FOXP4: variants seen among roughly 807,000 people sequenced by gnomAD.
FOXP4 encodes the protein forkhead box protein P4.
A neutral mutation model predicts 82.6 loss-of-function variants in FOXP4; 25 were observed. The ratio of observed to expected loss-of-function variants is 0.30; its 90% confidence interval spans 0.22 to 0.42. FOXP4 has a LOEUF of 0.42. FOXP4 is among the 10% of genes least tolerant of loss of function. The pLI, the probability that FOXP4 is intolerant of heterozygous loss-of-function variation, is 1.00. For synonymous variants in FOXP4, 415 were observed against 388.2 expected, an observed-to-expected ratio of 1.07 and a Z score of -0.81; for missense variants, 785 against 900.9, an observed-to-expected ratio of 0.87 and a Z score of 1.65.
intron 15 of FOXP4, 41 bp from the exon 16 acceptor site, chr6:41,597,740 C>T (rs1458271337): frequency 6.3e-7 from 1 of 1,589,838 alleles, no homozygotes; most frequent in Non-Finnish European, 8.5e-7. Flanking sequence ...GTGCCCCATC[C>T]TGTGGAGCCA....
chr6:41,598,709 T>C, intron 16 of FOXP4, 80 bp from the exon 17 acceptor site: 3 of 1,542,682 alleles, frequency 1.9e-6, no homozygotes, highest in Non-Finnish European at 2.6e-6. Flanking sequence ...TGCCCCAGAG[T>C]TCTGGGTGAG....
At chr6:41,560,942 TC>T (rs1764541818) in intron 1 of FOXP4, among the ~76,000 whole-genome samples, 1 of 151,938 alleles carries the variant, frequency 6.6e-6, no homozygotes, top group Admixed American at 6.6e-5. Context: ...AGCCCGTGGG[TC>T]CCCCCTTTGG....
In FOXP4 at chr6:41,587,436, C is replaced by T. The variant is rs1032859110; in HGVS notation, c.796C>T (p.Pro266Ser). ...CACCGCTACCTCGTTTGCCGCTCCC[C>T]CCAAGGTCTCACCCCCCCTCTCCCA... ...AATATSFAAP[P>S]KVSPPLSHHT... The change falls in exon 7 of 17, where the codon CCC becomes TCC. Residue 266 changes from proline to serine, a missense_variant. Pro to Ser is a moderately conservative substitution (Grantham distance 74, BLOSUM62 -1). Around this residue, in one of 3 missense-constraint regions of FOXP4, gnomAD observed 570 missense variants for 634.0 expected, o/e 0.90. Coordinates refer to ENST00000307972, the MANE Select transcript of FOXP4 (RefSeq NM_001012426.2). The T allele has an allele frequency of 3.2e-6, 5 of 1,569,506 alleles. No individual in the cohort carries two copies. The highest frequency in any genetic ancestry group is 1.3e-5 in the African/African-American group (1 of 74,074).
Position 41,575,582 on chromosome 6 carries a change from G to A in FOXP4, c.205-2404G>A, listed in dbSNP as rs537849114. 7.2e-4 allele frequency among the ~76,000 whole-genome samples: 110 copies of A among 152,192 alleles called. 1 individual carries two copies. The Middle Eastern group carries it at 0.034, about 47-fold the overall frequency. On this transcript the variant is annotated intron_variant, in intron 2 of 16. Transcript: ENST00000307972. ...AGGAAGGGCCTGTCACAGGGAGGGG[G>A]AGGTCTCAGGAATGAGACTGCAAGG...
In FOXP4 at chr6:41,558,185, A is replaced by G. The variant is rs1764380999; in HGVS notation, c.-16-7560A>G. ...AGGGGCTTGGAGAGGGATTAAGCCT[A>G]CTCTCGAACTCACAGAGCCCCATGT... On this transcript the variant is annotated intron_variant, in intron 1 of 16. Transcript: ENST00000307972. This position sits in a 1 kb window ranked among gnomAD's most constrained non-coding sequence, Gnocchi z 4.0. Among the ~76,000 whole-genome samples, 1 of 151,990 alleles carries G rather than the reference A, an allele frequency of 6.6e-6. No homozygotes were observed. The highest frequency in any genetic ancestry group is 2.4e-5 in the African/African-American group (1 of 41,368).
chr6:41,595,131 G>A, intron 14 of FOXP4, 140 bp downstream of exon 14: 1 of 1,285,642 alleles, frequency 7.8e-7, no homozygotes, highest in Non-Finnish European at 1.1e-6. Flanking sequence ...GAAAGGAGCA[G>A]AGGAGACTAG....
intron 5 of FOXP4, 65 bp from the exon 6 acceptor site, chr6:41,586,944 G>C: frequency 6.6e-7 from 1 of 1,514,058 alleles, no homozygotes; most frequent in Non-Finnish European, 8.8e-7. Flanking sequence ...GCGGGGTGGG[G>C]GCCAGATGGC....
At chr6:41,562,977 G>C (rs561051100) in intron 1 of FOXP4, among the ~76,000 whole-genome samples, 5 of 152,340 alleles carry the variant, frequency 3.3e-5, no homozygotes, top group Admixed American at 2.0e-4. Flanking sequence ...CCCTCAGGCT[G>C]ACATGGCCAT....
chr6:41,587,447 A>T lies in FOXP4; in HGVS notation c.807A>T (p.Ser269=). 3.9e-6 allele frequency: 6 copies of T among 1,549,500 alleles called. No homozygotes were observed. The highest frequency in any genetic ancestry group is 5.2e-6 in the Non-Finnish European group (6 of 1,147,258). The change falls in exon 7 of 17, where the codon TCA becomes TCT. Residue 269 remains serine, a synonymous_variant. Transcript: ENST00000307972. ...CGTTTGCCGCTCCCCCCAAGGTCTC[A>T]CCCCCCCTCTCCCACCATACCCTGC... ...ATSFAAPPKV[S]PPLSHHTLPN...
Position 41,587,795 on chromosome 6 carries a change from C to T in FOXP4, c.875C>T (p.Ser292Phe). The change falls in exon 8 of 17, where the codon TCT (serine) becomes TTT (phenylalanine). Residue 292 changes from serine to phenylalanine, a missense_variant and splice_region_variant. Around this residue, in one of 3 missense-constraint regions of FOXP4, gnomAD observed 570 missense variants for 634.0 expected, o/e 0.90. Transcript: ENST00000307972. ...PTVLTSRRDS[S>F]SHEETPGSHP... ...CCACCTCCCTGCTGTCCTCCCAGCT[C>T]TTCCCACGAGGAGACCCCCGGCTCC... 6.4e-7 allele frequency: 1 copy of T among 1,557,724 alleles called. No homozygotes were observed. Among genetic ancestry groups the T allele is most frequent in the Non-Finnish European group, 8.7e-7 (1 of 1,149,316 alleles).
chr6:41,582,078 C>T (rs62396714), intron 3 of FOXP4, among the ~76,000 whole-genome samples: 1 of 152,220 alleles, frequency 6.6e-6, no homozygotes, highest in Admixed American at 6.5e-5. Context: ...TAAGGCACAC[C>T]AGGGGAGGAG....
chr6:41,548,673 C>CT (rs1763811965), intron 1 of FOXP4: 1 of 152,304 alleles, frequency 6.6e-6, no homozygotes, highest in African/African-American at 2.4e-5. Context: ...ATTTTGAGCT[C>CT]TCCCCCACCC....
chr6:41,549,430 C>T lies in FOXP4; in HGVS notation c.-17+2563C>T, dbSNP rs950999434. 2.0e-5 allele frequency among the ~76,000 whole-genome samples: 3 copies of T among 152,238 alleles called. No individual in the cohort carries two copies. The South Asian group carries it at 6.2e-4, about 32-fold the overall frequency. ...CACCTAGACGCCCCCAGCCCCCTTC[C>T]TCTGCCTTTAGAGCCGAAAACTTCC... On this transcript the variant is annotated intron_variant, in intron 1 of 16. Coordinates refer to ENST00000307972, the MANE Select transcript of FOXP4 (RefSeq NM_001012426.2).
chr6:41,559,902 T>G (rs769976452), intron 1 of FOXP4, among the ~76,000 whole-genome samples: 1 of 152,170 alleles, frequency 6.6e-6, no homozygotes, highest in Non-Finnish European at 1.5e-5. Flanking sequence ...AATCTGTGTT[T>G]TAACAAACTC....
At position 41,587,386 on chromosome 6, in the gene FOXP4, G is replaced by T; in HGVS notation, c.746G>T (p.Gly249Val). The change falls in exon 7 of 17, where the codon GGG (glycine) becomes GTG (valine). Residue 249 changes from glycine (G) to valine (V), a missense_variant. Around this residue, in one of 3 missense-constraint regions of FOXP4, gnomAD observed 570 missense variants for 634.0 expected, o/e 0.90. Coordinates refer to ENST00000307972, the MANE Select transcript of FOXP4 (RefSeq NM_001012426.2). ...GCCGAGGACAGCGTCAAGCAGGAGG[G>T]GCTGGACCTCACTGGCACGGCCGCC... Reference protein sequence around the residue: ...QPAEDSVKQEGLDLTGTAATA... With the variant: ...QPAEDSVKQEVLDLTGTAATA... The T allele has an allele frequency of 6.2e-7, 1 of 1,600,542 alleles. No individual in the cohort carries two copies. Among genetic ancestry groups the T allele is most frequent in the South Asian group, 1.1e-5 (1 of 89,112 alleles).
At chr6:41,575,110 G>A (rs371786374) in intron 2 of FOXP4, among the ~76,000 whole-genome samples, 8 of 152,058 alleles carry the variant, frequency 5.3e-5, no homozygotes, top group African/African-American at 1.7e-4. Context: ...CTGGCACTGC[G>A]GGCTCCCACC....
At chr6:41,572,722 T>C (rs748388553) in intron 2 of FOXP4, among the ~76,000 whole-genome samples, 1 of 152,192 alleles carries the variant, frequency 6.6e-6, no homozygotes, top group Non-Finnish European at 1.5e-5. Flanking sequence ...GGAGTTTGTT[T>C]GTTTTGGCTG....
chr6:41,587,372 C>T lies in FOXP4; in HGVS notation c.732C>T (p.Ser244=), dbSNP rs140659341. 8.9e-4 allele frequency: 1,435 copies of T among 1,606,328 alleles called. 6 individuals carry two copies. Among genetic ancestry groups the T allele is most frequent in the Non-Finnish European group, 1.2e-3 (1,361 of 1,176,054 alleles). The change falls in exon 7 of 17, where the codon AGC becomes AGT. Residue 244 remains serine (S), a synonymous_variant. Coordinates refer to ENST00000307972, the MANE Select transcript of FOXP4 (RefSeq NM_001012426.2). ...EGAPGQPAED[S]VKQEGLDLTG... ...CCCCCGGGCAGCCTGCCGAGGACAG[C>T]GTCAAGCAGGAGGGGCTGGACCTCA...
chr6:41,576,927 A>G (rs930833202), intron 2 of FOXP4, among the ~76,000 whole-genome samples: 6 of 152,110 alleles, frequency 3.9e-5, no homozygotes, highest in African/African-American at 1.4e-4. Context: ...GAAGCAGATA[A>G]ATTTTGTGCT....
Sources: gnomAD v4.1 joint callset for allele counts (sites outside exome capture counted in the v4.1 genomes callset) on GRCh38, gnomAD v4.1.1 for gene constraint, gnomAD v4.1.1 regional missense constraint, Gnocchi (gnomAD v3.1) non-coding constraint, MANE v1.5 for transcripts, NCBI Gene and HGNC (gene_info 2026-07-23, HGNC 2026-07-21) for gene names.